Variants in XKR6 observed in about 807,000 individuals in gnomAD.
The protein encoded by XKR6 is XK related 6, also known as XK-related protein 6.
A neutral mutation model predicts 56.7 loss-of-function variants in XKR6; 22 were observed. The ratio of observed to expected loss-of-function variants is 0.39; its 90% CI spans 0.28 to 0.55. The LOEUF (loss-of-function observed/expected upper bound fraction) is 0.55, where lower values mean the gene tolerates loss of function less well. Ranked by LOEUF, XKR6 falls within the 20% of genes least tolerant of loss-of-function variation. The pLI is 0.66. For synonymous variants in XKR6, 524 were observed against 387.8 expected, an observed-to-expected ratio of 1.35 and a Z score of -4.13; for missense variants, 852 against 889.0, an observed-to-expected ratio of 0.96 and a Z score of 0.53.
At chr8:11,195,151 C>G (rs1295365107) in intron 1 of XKR6, 2 of 703,224 alleles carry the variant, frequency 2.8e-6, no homozygotes, top group Non-Finnish European at 5.2e-6. Flanking sequence ...AGGGAAGAAA[C>G]CAGGTGAGGC....
At chr8:11,197,266 T>C (rs1196142938) in intron 1 of XKR6, among the ~76,000 whole-genome samples, 1 of 152,216 alleles carries the variant, frequency 6.6e-6, no homozygotes, top group Admixed American at 6.5e-5. Flanking sequence ...GGGAGATTAA[T>C]GATGTGGCCA....
chr8:11,032,931 A>AGATGACAACGATGAT (rs1799027045), intron 1 of XKR6, among the ~76,000 whole-genome samples: 2 of 152,208 alleles, frequency 1.3e-5, no homozygotes, highest in South Asian at 4.1e-4. Context: ...GAAGATAAAA[A>AGATGACAACGATGAT]GATGACAACG....
At chr8:11,096,086 T>G (rs1798255842) in intron 1 of XKR6, among the ~76,000 whole-genome samples, 2 of 152,366 alleles carry the variant, frequency 1.3e-5, no homozygotes, top group Non-Finnish European at 2.9e-5. Context: ...GGAAAATATA[T>G]GTACCAGTGA....
intron 1 of XKR6, among the ~76,000 whole-genome samples, chr8:10,946,048 T>G (rs1801527961): frequency 6.6e-6 from 1 of 151,994 alleles, no homozygotes. Context: ...AGCGTGGAGT[T>G]GTGACCGCTG....
chr8:11,052,239 C>T (rs549765033), intron 1 of XKR6, among the ~76,000 whole-genome samples: 1 of 152,264 alleles, frequency 6.6e-6, no homozygotes, highest in Admixed American at 6.5e-5. Context: ...TTCCCACCAC[C>T]GAGGTATCTG....
rs1563285026 is a variant in XKR6 at position 10,912,837 on chromosome 8, GA to G, written c.961+11796del. On this transcript the variant is annotated intron_variant, in intron 2 of 2. Transcript: ENST00000416569. ...GAGTATATATACATATATATATATAGAGAGAGAAAGAGATAGGGTGTGTGTA... is the reference window on the plus strand; with the variant it reads ...GAGTATATATACATATATATATATAGGAGAGAAAGAGATAGGGTGTGTGTA... 6.4e-4 allele frequency among the ~76,000 whole-genome samples: 92 copies of G among 143,318 alleles called. 3 individuals carry two copies. Among genetic ancestry groups the G allele is most frequent in the Admixed American group, 6.4e-3 (92 of 14,466 alleles). 94.0% of individuals were successfully genotyped at this position (143,318 alleles called of 152,430 possible).
At chr8:11,151,859 A>G (rs887061285) in intron 1 of XKR6, among the ~76,000 whole-genome samples, 2 of 152,108 alleles carry the variant, frequency 1.3e-5, no homozygotes, top group Middle Eastern at 3.2e-3. Flanking sequence ...ATAAACCTGT[A>G]CTCATACTAC....
chr8:10,928,591 C>T (rs980568556), intron 1 of XKR6, among the ~76,000 whole-genome samples: 1 of 152,156 alleles, frequency 6.6e-6, no homozygotes, highest in Non-Finnish European at 1.5e-5. Context: ...GCAGAAGCGG[C>T]CTCGACCCGC....
At chr8:11,183,454 G>A (rs1241176351) in intron 1 of XKR6, among the ~76,000 whole-genome samples, 1 of 151,824 alleles carries the variant, frequency 6.6e-6, no homozygotes, top group African/African-American at 2.4e-5. Context: ...TGGGACTACA[G>A]GCATGCGCCA....
At chr8:10,952,359 A>G (rs1031027504) in intron 1 of XKR6, among the ~76,000 whole-genome samples, 2 of 152,158 alleles carry the variant, frequency 1.3e-5, no homozygotes, top group African/African-American at 4.8e-5. Flanking sequence ...TAAACCCCCA[A>G]CAAACACTAA....
At chr8:11,123,608 C>T (rs753889288) in intron 1 of XKR6, 38 of 302,092 alleles carry the variant, frequency 1.3e-4, no homozygotes, top group Non-Finnish European at 5.2e-5. Flanking sequence ...ATTAAAAATT[C>T]AAGTGTGCAG....
chr8:11,149,155 G>A (rs1355585826), intron 1 of XKR6, among the ~76,000 whole-genome samples: 2 of 152,182 alleles, frequency 1.3e-5, no homozygotes, highest in Non-Finnish European at 2.9e-5. Flanking sequence ...GTACAGTCAT[G>A]TGTCACTTAA....
intron 1 of XKR6, among the ~76,000 whole-genome samples, chr8:10,993,881 C>T (rs975531560): frequency 2.0e-5 from 3 of 152,210 alleles, no homozygotes; most frequent in Non-Finnish European, 4.4e-5. Flanking sequence ...CCTGCAGCCT[C>T]AGCCCACCCC....
chr8:10,970,924 G>A (rs996800236), intron 1 of XKR6, among the ~76,000 whole-genome samples: 2 of 151,630 alleles, frequency 1.3e-5, no homozygotes, highest in Admixed American at 1.3e-4. Flanking sequence ...TCTCTCCTAA[G>A]GAGAATCTGA....
intron 1 of XKR6, among the ~76,000 whole-genome samples, chr8:11,095,340 T>C (rs1320497321): frequency 6.6e-6 from 1 of 152,280 alleles, no homozygotes; most frequent in African/African-American, 2.4e-5. Flanking sequence ...TTCTTAAATA[T>C]ATTGTATCTT....
intron 1 of XKR6, among the ~76,000 whole-genome samples, chr8:10,995,029 C>A (rs534923667): frequency 6.6e-6 from 1 of 152,330 alleles, no homozygotes; most frequent in East Asian, 1.9e-4. Context: ...ATGGTGGGGC[C>A]TCCTTGTACG....
intron 1 of XKR6, among the ~76,000 whole-genome samples, chr8:11,071,490 CG>C (rs1800115431): frequency 7.3e-6 from 1 of 136,502 alleles, no homozygotes; most frequent in African/African-American, 3.0e-5. Context: ...CCATGAGCCC[CG>C]AGTCCATGAG....
At chr8:10,996,667 A>G (rs190367086) in intron 1 of XKR6, among the ~76,000 whole-genome samples, 1 of 152,240 alleles carries the variant, frequency 6.6e-6, no homozygotes, top group East Asian at 1.9e-4. Flanking sequence ...TTGGGTGAAG[A>G]CTGTTCTGGT....
At chr8:11,128,733 T>C (rs1414945036) in intron 1 of XKR6, 1 of 417,014 alleles carries the variant, frequency 2.4e-6, no homozygotes. Context: ...CCATTAAAAA[T>C]CTTCACATCA....
Sources: gnomAD v4.1 joint callset for allele counts (sites outside exome capture counted in the v4.1 genomes callset) on GRCh38, gnomAD v4.1.1 for gene constraint, MANE v1.5 for transcripts, NCBI Gene and HGNC (gene_info 2026-07-23, HGNC 2026-07-21) for gene names.